The following EMCN variants were observed in gnomAD, a reference collection of about 807,000 sequenced individuals.
EMCN encodes the protein endomucin, also known as MUC-14.
In EMCN, 37 loss-of-function variants were observed where a neutral mutation model predicts 38.4. The ratio of observed to expected loss-of-function variants is 0.96; its 90% CI spans 0.74 to 1.27. EMCN has a LOEUF of 1.27. Ranked by LOEUF, EMCN falls within the 50% of genes most tolerant of loss-of-function variation. The pLI is 0.00. For missense variants in EMCN, 318 were observed against 302.8 expected (o/e 1.05, Z -0.37); for synonymous variants, 95 against 100.8 (o/e 0.94, Z 0.35).
chr4:100,481,344 T>A (rs992834), intron 1 of EMCN, among the ~76,000 whole-genome samples: 2 of 151,970 alleles, frequency 1.3e-5, no homozygotes, highest in African/African-American at 4.8e-5. Flanking sequence ...ATAGAGAATA[T>A]GTGCTGTATA....
At chr4:100,452,464 G>A (rs1447172856) in intron 4 of EMCN, among the ~76,000 whole-genome samples, 1 of 151,940 alleles carries the variant, frequency 6.6e-6, no homozygotes, top group African/African-American at 2.4e-5. Context: ...ACTTGCTTTA[G>A]TAGAGTTCTA....
At chr4:100,511,679 A>G (rs948132624) in intron 1 of EMCN, among the ~76,000 whole-genome samples, 7 of 152,216 alleles carry the variant, frequency 4.6e-5, no homozygotes, top group African/African-American at 1.7e-4. Context: ...GAAGAAGGGT[A>G]GTACATATTA....
intron 1 of EMCN, among the ~76,000 whole-genome samples, chr4:100,485,903 T>C (rs1016045622): frequency 3.9e-5 from 6 of 152,162 alleles, no homozygotes; most frequent in Admixed American, 2.0e-4. Context: ...AATTGTAAGA[T>C]ATCATATAAA....
At chr4:100,476,277 C>A (rs910920737) in intron 2 of EMCN, among the ~76,000 whole-genome samples, 4 of 145,836 alleles carry the variant, frequency 2.7e-5, no homozygotes, top group Non-Finnish European at 6.0e-5. Flanking sequence ...TTCTTTCCTT[C>A]CCCTTTTTCT....
chr4:100,416,232 C>G (rs1016801518), intron 9 of EMCN, among the ~76,000 whole-genome samples: 6 of 152,052 alleles, frequency 3.9e-5, no homozygotes, highest in Admixed American at 1.3e-4. Flanking sequence ...CTGCCACTCT[C>G]TTATAGTGGT....
rs767407632 is a variant in EMCN, at chr4:100,465,548, A to G, written c.260-9T>C. ...GGTTGTGGCTTTCAATCCTATAAAA[A>G]GAATGAACAGTCATCAGGAGTATAA... On this transcript the variant is annotated splice_polypyrimidine_tract_variant and intron_variant, in intron 3 of 11. Transcript: ENST00000296420. 3 of 1,500,702 alleles carry G rather than the reference A, an allele frequency of 2.0e-6. No homozygotes were observed. Among genetic ancestry groups the G allele is most frequent in the South Asian group, 1.2e-5 (1 of 85,904 alleles). 93.0% of individuals were successfully genotyped at this position (1,500,702 alleles called of 1,614,324 possible).
intron 8 of EMCN, among the ~76,000 whole-genome samples, chr4:100,417,984 A>G (rs1044253159): frequency 6.6e-6 from 1 of 152,174 alleles, no homozygotes; most frequent in Non-Finnish European, 1.5e-5. Context: ...CCCTTTGAAT[A>G]TAATTCTCCT....
In EMCN at chr4:100,432,853, T is replaced by G. The variant is rs375343816; in HGVS notation, c.416-9449A>C. On this transcript the variant is annotated intron_variant, in intron 5 of 11. Transcript: ENST00000296420. ...TTAAATAAATTTTTAAAAATAAATT[T>G]TATTGTATATATTTAAGGTATACAA... Among the ~76,000 whole-genome samples, 14 of 152,226 alleles carry G rather than the reference T, an allele frequency of 9.2e-5. 1 individual carries two copies. The South Asian group carries it at 2.9e-3, about 32-fold the overall frequency.
intron 1 of EMCN, among the ~76,000 whole-genome samples, chr4:100,480,484 A>T (rs1042539724): frequency 6.6e-6 from 1 of 151,754 alleles, no homozygotes; most frequent in African/African-American, 2.4e-5. Flanking sequence ...CACTCTATAT[A>T]AATGTGTACT....
At chr4:100,469,212 A>G (rs1230080791) in intron 3 of EMCN, among the ~76,000 whole-genome samples, 1 of 152,120 alleles carries the variant, frequency 6.6e-6, no homozygotes, top group Non-Finnish European at 1.5e-5. Flanking sequence ...CCCTTATTTG[A>G]CACAACACAC....
intron 1 of EMCN, among the ~76,000 whole-genome samples, chr4:100,500,453 A>G (rs764984904): frequency 3.9e-5 from 6 of 152,190 alleles, no homozygotes; most frequent in Non-Finnish European, 8.8e-5. Flanking sequence ...AGATTAAAAA[A>G]TAGAATATTA....
At chr4:100,440,057 A>AT (rs201968538) in intron 5 of EMCN, among the ~76,000 whole-genome samples, 16,272 of 151,992 alleles carry the variant, frequency 0.11, 2,047 homozygotes, top group East Asian at 0.56. Context: ...GGCCTATCCC[A>AT]GGGAATGTTC....
At chr4:100,506,219 T>G (rs1315405869) in intron 1 of EMCN, among the ~76,000 whole-genome samples, 2 of 152,194 alleles carry the variant, frequency 1.3e-5, no homozygotes, top group African/African-American at 4.8e-5. Flanking sequence ...AATGGAAAGA[T>G]TTGGCACCTA....
intron 5 of EMCN, among the ~76,000 whole-genome samples, chr4:100,424,563 T>A (rs1726991792): frequency 6.6e-6 from 1 of 152,124 alleles, no homozygotes; most frequent in South Asian, 2.1e-4. Flanking sequence ...TGCTCATGCA[T>A]TTTTGACATC....
intron 4 of EMCN, 26 bp from the exon 5 acceptor site, chr4:100,447,597 A>C: frequency 6.8e-7 from 1 of 1,474,228 alleles, no homozygotes; most frequent in Non-Finnish European, 9.4e-7. Context: ...AAGAAAAAAA[A>C]TCAGTACAAT....
At chr4:100,405,132 T>C (rs771082567) in intron 11 of EMCN, among the ~76,000 whole-genome samples, 15 of 152,108 alleles carry the variant, frequency 9.9e-5, no homozygotes, top group South Asian at 2.1e-4. Context: ...TATGGGGTTT[T>C]CTAGGTATAG....
chr4:100,479,243 T>A (rs1263360585), intron 2 of EMCN, among the ~76,000 whole-genome samples: 5 of 150,930 alleles, frequency 3.3e-5, no homozygotes, highest in Non-Finnish European at 5.9e-5. Flanking sequence ...CTAACCAGAG[T>A]TTTTGTCCAT....
chr4:100,422,527 A>G (rs952995672), intron 7 of EMCN, among the ~76,000 whole-genome samples: 9 of 152,042 alleles, frequency 5.9e-5, no homozygotes, highest in Admixed American at 1.3e-4. Flanking sequence ...AACATTTCTT[A>G]AAGGCCGTTT....
intron 3 of EMCN, among the ~76,000 whole-genome samples, chr4:100,474,365 G>C (rs1257863316): frequency 1.3e-5 from 2 of 152,166 alleles, no homozygotes; most frequent in Non-Finnish European, 2.9e-5. Context: ...ACAAGTGTTA[G>C]CTAGAATATA....
Sources: gnomAD v4.1 joint callset for allele counts (sites outside exome capture counted in the v4.1 genomes callset) on GRCh38, gnomAD v4.1.1 for gene constraint, MANE v1.5 for transcripts, NCBI Gene and HGNC (gene_info 2026-07-23, HGNC 2026-07-21) for gene names.